Variants in PARM1 observed in about 807,000 individuals in gnomAD.
PARM1 encodes the protein WSC4, cell wall integrity and stress response component 4 homolog.
Under a neutral mutation model 24.6 loss-of-function variants are expected in PARM1, and 14 were observed. The observed-to-expected ratio is 0.57, with a 90% CI of 0.38 to 0.89. The LOEUF is 0.89. Ranked by LOEUF, PARM1 falls within the 40% of genes least tolerant of loss-of-function variation. PARM1 has a pLI of 0.00. For missense variants in PARM1, 362 were observed against 380.4 expected (o/e 0.95, Z 0.40); for synonymous variants, 179 against 156.6 (o/e 1.14, Z -1.07).
intron 1 of PARM1, among the ~76,000 whole-genome samples, chr4:74,962,693 GA>G (rs899555045): frequency 6.6e-6 from 1 of 152,190 alleles, no homozygotes; most frequent in Non-Finnish European, 1.5e-5. Flanking sequence ...CCATTTATTT[GA>G]GGCACCTAAA....
chr4:75,025,986 C>T (rs1578055708), intron 2 of PARM1, among the ~76,000 whole-genome samples: 1 of 152,170 alleles, frequency 6.6e-6, no homozygotes. Flanking sequence ...ACCTCTGCCA[C>T]TCTGTGTAAA....
At chr4:74,994,037 G>A (rs1167114900) in intron 1 of PARM1, 1 of 152,160 alleles carries the variant, frequency 6.6e-6, no homozygotes, top group East Asian at 1.9e-4. Context: ...AACAGAATCA[G>A]GCTGTGATAA....
At chr4:75,015,575 T>C (rs1354539485) in intron 2 of PARM1, among the ~76,000 whole-genome samples, 2 of 152,192 alleles carry the variant, frequency 1.3e-5, no homozygotes, top group Non-Finnish European at 2.9e-5. Flanking sequence ...TCCTTTGAGA[T>C]TTTATAGTTT....
At chr4:75,026,569 A>G (rs1723186191) in intron 2 of PARM1, among the ~76,000 whole-genome samples, 1 of 152,228 alleles carries the variant, frequency 6.6e-6, no homozygotes, top group African/African-American at 2.4e-5. Flanking sequence ...TAAAAGGTGC[A>G]TCCTTATTCC....
At chr4:75,035,114 C>T (rs1723346588) in intron 3 of PARM1, among the ~76,000 whole-genome samples, 1 of 152,204 alleles carries the variant, frequency 6.6e-6, no homozygotes, top group Non-Finnish European at 1.5e-5. Context: ...ATGCTGTGTA[C>T]ATTGGCTTTC....
chr4:74,963,434 A>T (rs1159767141), intron 1 of PARM1, among the ~76,000 whole-genome samples: 13 of 152,240 alleles, frequency 8.5e-5, no homozygotes. Context: ...TAGATAACCA[A>T]ATATGGTATA....
intron 1 of PARM1, among the ~76,000 whole-genome samples, chr4:74,936,485 T>G (rs1721190984): frequency 6.7e-6 from 1 of 149,526 alleles, no homozygotes; most frequent in Non-Finnish European, 1.5e-5. Context: ...ATGGAGTCTC[T>G]CTCTGTCTCC....
chr4:74,975,429 T>G (rs1316187550), intron 1 of PARM1, among the ~76,000 whole-genome samples: 1 of 152,238 alleles, frequency 6.6e-6, no homozygotes, highest in Non-Finnish European at 1.5e-5. Context: ...TTGTGTGAGT[T>G]TTTGAGTAGT....
At chr4:74,957,791 G>C (rs1387151917) in intron 1 of PARM1, among the ~76,000 whole-genome samples, 1 of 152,142 alleles carries the variant, frequency 6.6e-6, no homozygotes, top group Non-Finnish European at 1.5e-5. Flanking sequence ...CAAGACCTTT[G>C]TGAACAATTT....
intron 1 of PARM1, among the ~76,000 whole-genome samples, chr4:75,009,749 G>A (rs185595028): frequency 6.6e-5 from 10 of 152,050 alleles, no homozygotes; most frequent in Admixed American, 1.3e-4. Flanking sequence ...CCTTTCTCCC[G>A]CAAGTCCTTA....
chr4:75,029,967 G>T (rs1252840600), intron 2 of PARM1, among the ~76,000 whole-genome samples: 2 of 152,136 alleles, frequency 1.3e-5, no homozygotes, highest in African/African-American at 4.8e-5. Context: ...CCCACTGTGG[G>T]CCAAAGATGG....
chr4:75,049,957 A>T lies in PARM1; in HGVS notation c.*3710A>T, dbSNP rs1723687540. 1 of 151,552 alleles carries T rather than the reference A, an allele frequency of 6.6e-6. No individual in the cohort carries two copies. The highest frequency in any genetic ancestry group is 6.6e-5 in the Admixed American group (1 of 15,170). 9.4% of individuals were successfully genotyped at this position (151,552 alleles called of 1,614,324 possible). A position where few individuals can be genotyped will look rare whatever the true frequency, so the allele number is the denominator to read the frequency against. On this transcript the variant is annotated 3_prime_UTR_variant, in exon 4 of 4. Coordinates refer to ENST00000307428, the MANE Select transcript of PARM1 (RefSeq NM_015393.4). ...TGGTAATAATGCTAACCAAGAGATC[A>T]ATGCCAGATTTTTCTCTTGGGGTAA...
At chr4:74,983,232 T>C (rs183125669) in intron 1 of PARM1, among the ~76,000 whole-genome samples, 6 of 152,330 alleles carry the variant, frequency 3.9e-5, no homozygotes, top group Admixed American at 3.9e-4. Context: ...GTGGCTTTGG[T>C]CACTGAATAT....
intron 1 of PARM1, among the ~76,000 whole-genome samples, chr4:74,937,638 A>G (rs1721220648): frequency 6.6e-6 from 1 of 152,252 alleles, no homozygotes; most frequent in Non-Finnish European, 1.5e-5. Flanking sequence ...TGCTGGAGAC[A>G]TAGCAAATGC....
chr4:74,965,044 C>A (rs1256194412), intron 1 of PARM1: 2 of 152,152 alleles, frequency 1.3e-5, no homozygotes, highest in African/African-American at 4.8e-5. Flanking sequence ...ATGTTTAACA[C>A]TTGAGCAAAG....
At chr4:74,984,939 C>T (rs1328008800) in intron 1 of PARM1, among the ~76,000 whole-genome samples, 1 of 152,164 alleles carries the variant, frequency 6.6e-6, no homozygotes, top group Non-Finnish European at 1.5e-5. Context: ...ACCCTCATCA[C>T]AGAGGATGGC....
intron 1 of PARM1, among the ~76,000 whole-genome samples, chr4:75,008,071 A>C (rs1220277117): frequency 1.3e-5 from 2 of 152,222 alleles, no homozygotes; most frequent in Non-Finnish European, 2.9e-5. Flanking sequence ...TACGATCATC[A>C]TGGTGCCTTA....
chr4:74,942,751 C>T (rs1721336063), intron 1 of PARM1, among the ~76,000 whole-genome samples: 1 of 152,226 alleles, frequency 6.6e-6, no homozygotes, highest in Admixed American at 6.5e-5. Context: ...GTGGCCTCCT[C>T]TCAGATCTAC....
At chr4:74,970,581 T>G (rs1319394326) in intron 1 of PARM1, among the ~76,000 whole-genome samples, 1 of 152,192 alleles carries the variant, frequency 6.6e-6, no homozygotes, top group Non-Finnish European at 1.5e-5. Context: ...GTAAAACATC[T>G]AATCTAACTG....
Sources: gnomAD v4.1 joint callset for allele counts (sites outside exome capture counted in the v4.1 genomes callset) on GRCh38, gnomAD v4.1.1 for gene constraint, MANE v1.5 for transcripts, NCBI Gene and HGNC (gene_info 2026-07-23, HGNC 2026-07-21) for gene names.